Variants in CLVS1 observed in about 807,000 individuals in gnomAD.
CLVS1 encodes the protein clavesin 1.
CLVS1 carries 10 observed loss-of-function variants against 33.1 expected under a neutral mutation model. That is an observed-to-expected ratio of 0.30 (90% CI 0.19 to 0.51). The LOEUF (loss-of-function observed/expected upper bound fraction) is 0.51. CLVS1 is among the 20% of genes least tolerant of loss of function. The probability of loss-of-function intolerance (pLI) is 0.97; values close to 1 mark genes in which losing one functional copy is unlikely to be tolerated. For synonymous variants in CLVS1, 163 were observed against 166.1 expected (o/e 0.98, Z 0.14); for missense variants, 343 against 433.4 (o/e 0.79, Z 1.85).
intron 2 of CLVS1, among the ~76,000 whole-genome samples, chr8:61,171,646 A>T (rs899530436): frequency 6.6e-6 from 1 of 152,198 alleles, no homozygotes; most frequent in African/African-American, 2.4e-5. Context: ...TTTTTAAAAT[A>T]AGCATGCTAA....
At chr8:60,965,038 TTTC>T in the CLVS1 span, among the ~76,000 whole-genome samples, 1 of 152,180 alleles carries the variant, frequency 6.6e-6, no homozygotes, top group Non-Finnish European at 1.5e-5. Flanking sequence ...GAATTTTCTT[TTTC>T]TTTTTTTTTG....
chr8:61,153,735 C>A (rs1806592174), intron 2 of CLVS1, among the ~76,000 whole-genome samples: 1 of 152,064 alleles, frequency 6.6e-6, no homozygotes, highest in Admixed American at 6.6e-5. Context: ...AAACTCTGTG[C>A]CCTGCTTACA....
chr8:61,151,968 A>G (rs1724828106), intron 2 of CLVS1, among the ~76,000 whole-genome samples: 1 of 152,084 alleles, frequency 6.6e-6, no homozygotes. Flanking sequence ...TCTTCTCTCC[A>G]CCTGCTGGGC....
At chr8:61,205,409 T>C (rs917035498) in intron 2 of CLVS1, among the ~76,000 whole-genome samples, 2 of 152,244 alleles carry the variant, frequency 1.3e-5, no homozygotes, top group Non-Finnish European at 2.9e-5. Flanking sequence ...AAGACTTCAG[T>C]GTTCGTGAAT....
chr8:61,225,097 G>T (rs947878615), intron 2 of CLVS1, among the ~76,000 whole-genome samples: 1 of 152,008 alleles, frequency 6.6e-6, no homozygotes, highest in African/African-American at 2.4e-5. Flanking sequence ...CGGGTGGATC[G>T]CTTGAGTTCA....
intron 2 of CLVS1, among the ~76,000 whole-genome samples, chr8:61,223,559 A>T (rs1808268379): frequency 6.6e-6 from 1 of 152,170 alleles, no homozygotes; most frequent in African/African-American, 2.4e-5. Flanking sequence ...TGTTACTCTG[A>T]TGGGCTTTCC....
rs1185805946 is a variant in CLVS1 at position 61,074,374 on chromosome 8, A to G, written c.-243+17144A>G. 2.8e-4 allele frequency among the ~76,000 whole-genome samples: 14 copies of G among 49,670 alleles called. No individual in the cohort carries two copies. The African/African-American group carries it at 5.9e-3, about 21-fold the overall frequency. 32.6% of individuals were successfully genotyped at this position (49,670 alleles called of 152,430 possible). ...TGTGTGTGTGTGTATATATATATAT[A>G]TAAGTATATGTGTATATATATATGT... On this transcript the variant is annotated intron_variant, in intron 1 of 2. Transcript: ENST00000522621.
At chr8:61,058,557 A>G (rs1187960431) in intron 1 of CLVS1, among the ~76,000 whole-genome samples, 2 of 152,242 alleles carry the variant, frequency 1.3e-5, no homozygotes, top group Non-Finnish European at 2.9e-5. Context: ...GAATTAACAT[A>G]CAATACACCA....
At chr8:61,403,213 G>C (rs566802352) in intron 3 of CLVS1, among the ~76,000 whole-genome samples, 15 of 152,278 alleles carry the variant, frequency 9.9e-5, no homozygotes, top group Admixed American at 4.6e-4. Flanking sequence ...ATCATGCATA[G>C]AGTATTCACA....
At chr8:61,051,980 G>A in the CLVS1 span, among the ~76,000 whole-genome samples, 74 of 152,372 alleles carry the variant, frequency 4.9e-4, no homozygotes, top group East Asian at 0.014. Flanking sequence ...TGGCTGGACT[G>A]TGCCATCCGG....
At chr8:61,050,187 C>T in the CLVS1 span, among the ~76,000 whole-genome samples, 1 of 152,120 alleles carries the variant, frequency 6.6e-6, no homozygotes, top group Non-Finnish European at 1.5e-5. Flanking sequence ...TGTGTTCATC[C>T]TTCCTTTCCC....
At chr8:61,429,707 T>C (rs928535467) in intron 3 of CLVS1, among the ~76,000 whole-genome samples, 18 of 152,214 alleles carry the variant, frequency 1.2e-4, no homozygotes, top group South Asian at 2.1e-4. Flanking sequence ...TAGCTAATAC[T>C]TAAAGCCTCT....
chr8:61,269,000 G>A (rs1281903466), intron 2 of CLVS1, among the ~76,000 whole-genome samples: 1 of 136,194 alleles, frequency 7.3e-6, no homozygotes, highest in Non-Finnish European at 1.5e-5. Flanking sequence ...TTCTTTTGCT[G>A]TGCAGAAGCT....
chr8:61,271,293 A>G lies in CLVS1; in HGVS notation c.-151-28384A>G, dbSNP rs980317273. Among the ~76,000 whole-genome samples the G allele has an allele frequency of 2.8e-3, 422 of 151,430 alleles. 1 individual carries two copies. Among genetic ancestry groups the G allele is most frequent in the African/African-American group, 9.6e-3 (396 of 41,148 alleles). ...ATGTACCCAGTAGTCATTCAGGAGC[A>G]GGTTGTTCAGTTTCCATGGAGTTGA... is the stretch of plus-strand genomic sequence containing the variant. On this transcript the variant is annotated intron_variant, in intron 2 of 2. Transcript: ENST00000522621.
intron 1 of CLVS1, among the ~76,000 whole-genome samples, chr8:61,075,137 T>C (rs1056015979): frequency 5.3e-5 from 8 of 152,116 alleles, no homozygotes; most frequent in African/African-American, 1.9e-4. Context: ...GCAGCCTCAA[T>C]GCTTGAGGAA....
chr8:61,212,743 A>G (rs555169090), intron 2 of CLVS1, among the ~76,000 whole-genome samples: 2 of 152,168 alleles, frequency 1.3e-5, no homozygotes, highest in African/African-American at 2.4e-5. Context: ...GGGAAGACAG[A>G]AGATGGGGAG....
intron 3 of CLVS1, among the ~76,000 whole-genome samples, chr8:61,419,345 C>T (rs925025562): frequency 3.5e-5 from 5 of 142,846 alleles, no homozygotes; most frequent in Non-Finnish European, 5.9e-5. Flanking sequence ...TGCAGTGAGC[C>T]GAGATCACGC....
chr8:61,167,290 G>A (rs1005371133), intron 2 of CLVS1, among the ~76,000 whole-genome samples: 7 of 151,052 alleles, frequency 4.6e-5, no homozygotes, highest in African/African-American at 1.7e-4. Context: ...CGCCTCCCGA[G>A]TTCAAGCCAT....
At chr8:61,430,938 A>G (rs886266494) in intron 3 of CLVS1, among the ~76,000 whole-genome samples, 28 of 152,340 alleles carry the variant, frequency 1.8e-4, no homozygotes, top group African/African-American at 5.8e-4. Context: ...TGGGTGAAAT[A>G]TGAATAATAG....
Sources: gnomAD v4.1 joint callset for allele counts (sites outside exome capture counted in the v4.1 genomes callset) on GRCh38, gnomAD v4.1.1 for gene constraint, MANE v1.5 for transcripts, NCBI Gene and HGNC (gene_info 2026-07-23, HGNC 2026-07-21) for gene names.